Variants in KLHL32 observed in about 807,000 individuals in gnomAD.
KLHL32 encodes kelch-like protein 32.
KLHL32 carries 35 observed loss-of-function variants against 64.8 expected under a neutral mutation model. That is an observed-to-expected ratio of 0.54 (90% CI 0.41 to 0.72). KLHL32 has a LOEUF of 0.72. Among genes scored for constraint, KLHL32 ranks in the 30% least tolerant of loss-of-function variants. The pLI is 0.00. For missense variants in KLHL32, 589 were observed against 768.5 expected (o/e 0.77, Z 2.76); for synonymous variants, 259 against 281.0 (o/e 0.92, Z 0.78).
chr6:96,959,796 C>A (rs1364010763), intron 1 of KLHL32, among the ~76,000 whole-genome samples: 4 of 152,176 alleles, frequency 2.6e-5, no homozygotes, highest in Non-Finnish European at 5.9e-5. Context: ...GAATCATCTT[C>A]AGAACAATGC....
In KLHL32 at chr6:97,076,653, G is replaced by A. The variant is rs537394885; in HGVS notation, c.412-8473G>A. 8.5e-5 allele frequency among the ~76,000 whole-genome samples: 13 copies of A among 152,260 alleles called. No homozygotes were observed. The East Asian group carries it at 2.5e-3, about 29-fold the overall frequency. The stretch of plus-strand genomic sequence containing the variant: ...CCTAAGTAAATATGCACAATTAGGT[G>A]TACTTATAATATTTCTAAATCATGA... On this transcript the variant is annotated intron_variant, in intron 5 of 10. Coordinates refer to ENST00000369261, the MANE Select transcript of KLHL32 (RefSeq NM_052904.4).
intron 1 of KLHL32, among the ~76,000 whole-genome samples, chr6:96,946,853 A>G (rs1771980656): frequency 6.6e-6 from 1 of 152,160 alleles, no homozygotes; most frequent in Non-Finnish European, 1.5e-5. Flanking sequence ...TGTAAGGGTT[A>G]ACAAATGAGA....
intron 1 of KLHL32, among the ~76,000 whole-genome samples, chr6:96,940,288 A>G (rs1476309502): frequency 6.6e-6 from 1 of 152,160 alleles, no homozygotes; most frequent in Non-Finnish European, 1.5e-5. Flanking sequence ...CTAGGGATAG[A>G]ATAGATCAAT....
At chr6:96,959,327 T>G (rs1321727013) in intron 1 of KLHL32, among the ~76,000 whole-genome samples, 1 of 152,164 alleles carries the variant, frequency 6.6e-6, no homozygotes, top group East Asian at 1.9e-4. Context: ...TGGAAGAGAC[T>G]GGCAAAGGGC....
intron 1 of KLHL32, among the ~76,000 whole-genome samples, chr6:96,943,842 C>T (rs768224529): frequency 6.6e-5 from 10 of 152,318 alleles, no homozygotes; most frequent in Non-Finnish European, 1.5e-4. Flanking sequence ...TGTGCAGATG[C>T]ATTCTTTTTA....
intron 5 of KLHL32, among the ~76,000 whole-genome samples, chr6:97,067,546 C>T (rs75562999): frequency 6.6e-6 from 1 of 152,038 alleles, no homozygotes; most frequent in Non-Finnish European, 1.5e-5. Flanking sequence ...TAACCCATGG[C>T]CCCCAGACCA....
upstream of KLHL32, among the ~76,000 whole-genome samples, chr6:96,920,695 T>G (rs1768724700): frequency 6.6e-6 from 1 of 152,178 alleles, no homozygotes; most frequent in African/African-American, 2.4e-5. Flanking sequence ...GATATCAGTC[T>G]GCAAGGATCT....
chr6:96,919,708 A>G (rs922428543), upstream of KLHL32, among the ~76,000 whole-genome samples: 2 of 152,204 alleles, frequency 1.3e-5, no homozygotes, highest in African/African-American at 4.8e-5. Context: ...ATTTTAATAT[A>G]AATATTATTC....
In KLHL32 at chr6:97,095,889, G is replaced by A. The variant is rs138146377; in HGVS notation, c.627+10548G>A. 1.2e-4 allele frequency among the ~76,000 whole-genome samples: 18 copies of A among 152,294 alleles called. No individual in the cohort carries two copies. In the East Asian group the frequency reaches 3.5e-3, roughly 29 times the overall value. ...CTGAAAAACAAAACAAAAACTCTGA[G>A]ATTTTGCAGAAAGTCATATGCAAGA... On this transcript the variant is annotated intron_variant, in intron 6 of 10. Coordinates refer to ENST00000369261, the MANE Select transcript of KLHL32 (RefSeq NM_052904.4).
intron 6 of KLHL32, among the ~76,000 whole-genome samples, chr6:97,093,379 A>G (rs1313380061): frequency 6.6e-6 from 1 of 152,188 alleles, no homozygotes; most frequent in East Asian, 1.9e-4. Flanking sequence ...GTATGATCCA[A>G]ATTTTAACTA....
At position 96,960,201 on chromosome 6, in the gene KLHL32, C is replaced by T. The variant is rs530407383; in HGVS notation, c.-65-6795C>T. Among the ~76,000 whole-genome samples the T allele has an allele frequency of 4.6e-5, 7 of 152,298 alleles. No homozygotes were observed. In the South Asian group the frequency reaches 1.2e-3, roughly 27 times the overall value. The stretch of plus-strand genomic sequence containing the variant: ...TCATTATCATCATTGTCATCACCAT[C>T]GTTTCCTTTTAACACGACACTGAGA... On this transcript the variant is annotated intron_variant, in intron 1 of 10. Coordinates refer to ENST00000369261, the MANE Select transcript of KLHL32 (RefSeq NM_052904.4).
intron 3 of KLHL32, among the ~76,000 whole-genome samples, chr6:97,007,647 G>GA (rs1445766994): frequency 2.5e-4 from 38 of 152,256 alleles, no homozygotes; most frequent in Middle Eastern, 3.4e-3. Flanking sequence ...GCTGTCCTTT[G>GA]GATGAGGTTT....
intron 1 of KLHL32, among the ~76,000 whole-genome samples, chr6:96,932,306 G>A (rs993113439): frequency 2.9e-5 from 4 of 138,210 alleles, no homozygotes; most frequent in African/African-American, 1.1e-4. Context: ...ATTTAATTTT[G>A]CCATAGCTTA....
chr6:97,061,866 C>T (rs748752416), intron 4 of KLHL32, among the ~76,000 whole-genome samples: 4 of 152,090 alleles, frequency 2.6e-5, no homozygotes, highest in South Asian at 2.1e-4. Context: ...AAAATATATT[C>T]GAACAGTCAG....
intron 3 of KLHL32, among the ~76,000 whole-genome samples, chr6:96,977,522 T>G (rs1775840408): frequency 6.6e-6 from 1 of 152,078 alleles, no homozygotes; most frequent in Admixed American, 6.6e-5. Context: ...TGGAACATAA[T>G]GGTATGAATC....
chr6:97,024,055 G>C (rs1040404285), intron 3 of KLHL32, among the ~76,000 whole-genome samples: 2 of 152,190 alleles, frequency 1.3e-5, no homozygotes, highest in Non-Finnish European at 2.9e-5. Context: ...AGTAGAAGTT[G>C]GCATTGTCCA....
rs1316498140 is a variant in KLHL32, at chr6:97,140,315, C to T, written c.*1033C>T. ...TAATTTAGTTGTACTAATTATGGTA[C>T]CATAAAGTGCTTTGACATAAATTTG... On this transcript the variant is annotated 3_prime_UTR_variant, in exon 11 of 11. Transcript: ENST00000369261. The T allele has an allele frequency of 1.3e-5, 2 of 151,972 alleles. No homozygotes were observed. The highest frequency in any genetic ancestry group is 3.9e-4 in the East Asian group (2 of 5,190). The allele number at this position is 151,972 out of a possible 1,614,324, so 9.4% of individuals were successfully genotyped here.
the KLHL32 span, among the ~76,000 whole-genome samples, chr6:96,901,884 C>T: frequency 6.6e-6 from 1 of 152,208 alleles, no homozygotes; most frequent in Non-Finnish European, 1.5e-5. Flanking sequence ...TGGCCTCCAG[C>T]TCCATCCATG....
At chr6:97,012,051 T>C (rs748979018) in intron 3 of KLHL32, among the ~76,000 whole-genome samples, 19 of 152,200 alleles carry the variant, frequency 1.2e-4, no homozygotes, top group Non-Finnish European at 1.9e-4. Flanking sequence ...TGCTAGAGTC[T>C]AAACCCTAGC....
Sources: gnomAD v4.1 joint callset for allele counts (sites outside exome capture counted in the v4.1 genomes callset) on GRCh38, gnomAD v4.1.1 for gene constraint, MANE v1.5 for transcripts, NCBI Gene and HGNC (gene_info 2026-07-23, HGNC 2026-07-21) for gene names.